Variants in SMTNL2 observed in about 807,000 individuals in gnomAD.
The protein encoded by SMTNL2 is smoothelin like 2, also known as smoothelin-like protein 2.
Under a neutral mutation model 44.1 loss-of-function variants are expected in SMTNL2, and 43 were observed. That is an observed-to-expected ratio of 0.98 (90% CI 0.76 to 1.26). SMTNL2 has a LOEUF of 1.26. SMTNL2 is among the 50% of genes most tolerant of loss of function. The pLI is 0.00. For missense variants in SMTNL2, 646 were observed against 670.2 expected (o/e 0.96, Z 0.40); for synonymous variants, 317 against 287.6 (o/e 1.10, Z -1.03).
rs1433224467 is a variant in SMTNL2 at position 4,607,820 on chromosome 17, T to C, written c.*333T>C. 1 of 211,882 alleles carries C rather than the reference T, an allele frequency of 4.7e-6. No individual in the cohort carries two copies. Among genetic ancestry groups the C allele is most frequent in the Non-Finnish European group, 9.4e-6 (1 of 106,702 alleles). 13.1% of individuals were successfully genotyped at this position (211,882 alleles called of 1,614,324 possible). A position where few individuals can be genotyped will look rare whatever the true frequency, so the allele number is the denominator to read the frequency against. On this transcript the variant is annotated 3_prime_UTR_variant, in exon 8 of 8. Coordinates refer to ENST00000389313, the MANE Select transcript of SMTNL2 (RefSeq NM_001114974.2). This position sits in a 1 kb window ranked among gnomAD's most constrained non-coding sequence, Gnocchi z 4.7. ...GAATGCTAATCTACAATTTTCCCTC[T>C]GGTGAATTCGATACATCGGCTTTAC...
chr17:4,591,733 C>T (rs1454859347), intron 1 of SMTNL2, among the ~76,000 whole-genome samples: 2 of 152,172 alleles, frequency 1.3e-5, no homozygotes, highest in African/African-American at 4.8e-5. Flanking sequence ...AGCCTGGATC[C>T]CAGGCTCCCC....
Position 4,584,853 on chromosome 17 carries a change from C to G in SMTNL2, c.248C>G (p.Ala83Gly). 16 of 1,323,936 alleles carry G rather than the reference C, an allele frequency of 1.2e-5. No homozygotes were observed. The highest frequency in any genetic ancestry group is 1.3e-5 in the Non-Finnish European group (14 of 1,038,230). The allele number at this position is 1,323,936 out of a possible 1,614,324, so 82.0% of individuals were successfully genotyped here. The change falls in exon 1 of 8, where the codon GCG (alanine) becomes GGG (glycine). Residue 83 changes from alanine (A) to glycine (G), a missense_variant. Ala to Gly is a moderately conservative substitution (Grantham distance 60). Coordinates refer to ENST00000389313, the MANE Select transcript of SMTNL2 (RefSeq NM_001114974.2). ...GAGCGCCTGACGCGCCAGGTGGAGGCGCTGGGCTTGGCCAGCGGGATGTCC... is the reference window on the plus strand; with the variant it reads ...GAGCGCCTGACGCGCCAGGTGGAGGGGCTGGGCTTGGCCAGCGGGATGTCC... Reference protein sequence around the residue: ...QLERLTRQVEALGLASGMSPV... With the variant: ...QLERLTRQVEGLGLASGMSPV...
In SMTNL2 at chr17:4,600,923, G is replaced by C. The variant is rs1047598257; in HGVS notation, c.1259+3600G>C. Reference sequence around the variant, plus strand: ...AACCAGATAGGAGGCAGTAGTCCCAGTCCTGGCATCCTGGTCTGCATTTAG... The same window carrying C: ...AACCAGATAGGAGGCAGTAGTCCCACTCCTGGCATCCTGGTCTGCATTTAG... On this transcript the variant is annotated intron_variant, in intron 7 of 7. Coordinates refer to ENST00000389313, the MANE Select transcript of SMTNL2 (RefSeq NM_001114974.2). The surrounding 1 kb of genome is among the most constrained non-coding windows in gnomAD (Gnocchi z 4.7). Among the ~76,000 whole-genome samples, 12 of 152,158 alleles carry C rather than the reference G, an allele frequency of 7.9e-5. No individual in the cohort carries two copies. Among genetic ancestry groups the C allele is most frequent in the Non-Finnish European group, 1.5e-4 (10 of 68,028 alleles).
At chr17:4,586,763 G>T (rs1188602071) in intron 1 of SMTNL2, among the ~76,000 whole-genome samples, 1 of 152,190 alleles carries the variant, frequency 6.6e-6, no homozygotes, top group African/African-American at 2.4e-5. Context: ...GCTGGGCCGT[G>T]GGCCTTGGTG....
rs987173721 is a variant in SMTNL2, at chr17:4,607,249, C to A, written c.1260-112C>A. 8.4e-6 allele frequency: 13 copies of A among 1,540,296 alleles called. No homozygotes were observed. The African/African-American group carries it at 1.8e-4, about 21-fold the overall frequency. ...TTCCCCGCTGGTGGGTCCTTGGGAA[C>A]CTCTGGCTGCCGGCTGAGCTCTGTT... On this transcript the variant is annotated intron_variant, in intron 7 of 7. Coordinates refer to ENST00000389313, the MANE Select transcript of SMTNL2 (RefSeq NM_001114974.2). This position sits in a 1 kb window ranked among gnomAD's most constrained non-coding sequence, Gnocchi z 4.7.
intron 7 of SMTNL2, among the ~76,000 whole-genome samples, chr17:4,604,335 C>T (rs1159954275): frequency 6.6e-6 from 1 of 152,198 alleles, no homozygotes; most frequent in African/African-American, 2.4e-5. Context: ...CCACCCGCTA[C>T]AACTCCAAGC....
In SMTNL2 at chr17:4,592,991, C is replaced by T. The variant is rs557287522; in HGVS notation, c.550C>T (p.Arg184Cys). 82 of 1,614,032 alleles carry T rather than the reference C, an allele frequency of 5.1e-5. 1 individual carries two copies. The South Asian group carries it at 8.5e-4, about 17-fold the overall frequency. The change falls in exon 3 of 8, where the codon CGT (arginine) becomes TGT (cysteine). Residue 184 changes from arginine (R) to cysteine (C), a missense_variant. Arg to Cys is a radical substitution (Grantham distance 180, BLOSUM62 -3). Coordinates refer to ENST00000389313, the MANE Select transcript of SMTNL2 (RefSeq NM_001114974.2). The surrounding 1 kb of genome is among the most constrained non-coding windows in gnomAD (Gnocchi z 4.5). ...CTCAGCACCAGATCCCCCCAGGCCT[C>T]GTCCTGTGAGCCTCTCCTTGCGGCT... ...NFSAPDPPRP[R>C]PVSLSLRLPH... is the part of the protein sequence containing the mutation.
rs1227547554 is a variant in SMTNL2, at chr17:4,598,562, A to G, written c.1259+1239A>G. Among the ~76,000 whole-genome samples the G allele has an allele frequency of 6.6e-6, 1 of 152,044 alleles. No homozygotes were observed. The highest frequency in any genetic ancestry group is 1.5e-5 in the Non-Finnish European group (1 of 67,992). On this transcript the variant is annotated intron_variant, in intron 7 of 7. Coordinates refer to ENST00000389313, the MANE Select transcript of SMTNL2 (RefSeq NM_001114974.2). The surrounding 1 kb of genome is among the most constrained non-coding windows in gnomAD (Gnocchi z 4.8). ...TCCTTGGCCGGGCACGGTGGCTCCC[A>G]CCTGTAATCCTAGCACTTTGGGAGG...
rs1035332137 is a variant in SMTNL2, at chr17:4,592,993, T to A, written c.552T>A (p.Arg184=). ...NFSAPDPPRP[R]PVSLSLRLPH... ...CAGCACCAGATCCCCCCAGGCCTCGTCCTGTGAGCCTCTCCTTGCGGCTGC... is the reference window on the plus strand; with the variant it reads ...CAGCACCAGATCCCCCCAGGCCTCGACCTGTGAGCCTCTCCTTGCGGCTGC... The change falls in exon 3 of 8, where the codon CGT becomes CGA. Residue 184 remains arginine, a synonymous_variant. Transcript: ENST00000389313. This position sits in a 1 kb window ranked among gnomAD's most constrained non-coding sequence, Gnocchi z 4.5. 6.2e-7 allele frequency: 1 copy of A among 1,613,856 alleles called. No individual in the cohort carries two copies. The highest frequency in any genetic ancestry group is 1.3e-5 in the African/African-American group (1 of 74,906).
intron 1 of SMTNL2, among the ~76,000 whole-genome samples, chr17:4,590,902 G>A (rs934221030): frequency 6.6e-5 from 10 of 152,146 alleles, no homozygotes; most frequent in African/African-American, 2.4e-4. Flanking sequence ...TTGGGCGGCA[G>A]GGCAGGCAGC....
Position 4,584,776 on chromosome 17 carries a change from GC to G in SMTNL2, c.172del (p.Arg58AlafsTer20), listed in dbSNP as rs747898835. The part of the protein sequence containing the change: ...EAMRLAGPLA[R>X]TVADLQRDNQ... The stretch of plus-strand genomic sequence containing the variant: ...CGATGCGCCTGGCCGGCCCCCTGGC[GC>G]GCACGGTGGCCGACCTGCAGCGGGA... On this transcript the variant is annotated frameshift_variant, in exon 1 of 8. Transcript: ENST00000389313. LOFTEE classifies it high-confidence loss of function. 7.7e-6 allele frequency: 10 copies of G among 1,307,048 alleles called. No individual in the cohort carries two copies. The highest frequency in any genetic ancestry group is 9.7e-6 in the Non-Finnish European group (10 of 1,031,294). 81.0% of individuals were successfully genotyped at this position (1,307,048 alleles called of 1,614,324 possible).
Position 4,592,288 on chromosome 17 carries a change from G to C in SMTNL2, c.400-73G>C, listed in dbSNP as rs1366048437. 2 of 1,434,876 alleles carry C rather than the reference G, an allele frequency of 1.4e-6. No homozygotes were observed. Among genetic ancestry groups the C allele is most frequent in the African/African-American group, 1.4e-5 (1 of 71,162 alleles). The allele number at this position is 1,434,876 out of a possible 1,614,324, so 88.9% of individuals were successfully genotyped here. A position where few individuals can be genotyped will look rare whatever the true frequency, so the allele number is the denominator to read the frequency against. ...TTTTGCCAGAACGGGAGGGGATTTG[G>C]GGGTGGGCAGCTTTTGGGGGTGGGC... On this transcript the variant is annotated intron_variant, in intron 1 of 7. Transcript: ENST00000389313. The surrounding 1 kb of genome is among the most constrained non-coding windows in gnomAD (Gnocchi z 4.5).
intron 4 of SMTNL2, 196 bp from the exon 5 acceptor site, chr17:4,594,949 T>C (rs990611250): frequency 2.9e-6 from 2 of 692,574 alleles, no homozygotes; most frequent in Admixed American, 2.7e-5. Context: ...TTGAGCCTAT[T>C]GGCCAGTCCC....
intron 1 of SMTNL2, 28 bp downstream of exon 1, chr17:4,585,032 C>A: frequency 7.7e-7 from 1 of 1,304,780 alleles, no homozygotes; most frequent in East Asian, 3.2e-5. Flanking sequence ...CGTGCGCTGG[C>A]GCCAGGGAGT....
upstream of SMTNL2, chr17:4,584,462 C>A: frequency 1.1e-6 from 1 of 939,118 alleles, no homozygotes; most frequent in Non-Finnish European, 1.4e-6. Flanking sequence ...CCCGGCTCCG[C>A]CCCCGAGGCC....
Position 4,600,328 on chromosome 17 carries a change from T to C in SMTNL2, c.1259+3005T>C, listed in dbSNP as rs113016452. ...CAAAGGCTGAGCAGATCCAGGGTCG[T>C]GCAGGCAGCAGGACCACAGAGCTAA... On this transcript the variant is annotated intron_variant, in intron 7 of 7. Transcript: ENST00000389313. This position sits in a 1 kb window ranked among gnomAD's most constrained non-coding sequence, Gnocchi z 4.7. 2.9e-4 allele frequency among the ~76,000 whole-genome samples: 44 copies of C among 152,132 alleles called. No individual in the cohort carries two copies. The highest frequency in any genetic ancestry group is 1.1e-3 in the African/African-American group (44 of 41,478).
Position 4,595,705 on chromosome 17 carries a change from TG to T in SMTNL2, c.989+381del, listed in dbSNP as rs1909779336. On this transcript the variant is annotated intron_variant, in intron 5 of 7. Transcript: ENST00000389313. This position sits in a 1 kb window ranked among gnomAD's most constrained non-coding sequence, Gnocchi z 5.1. The stretch of plus-strand genomic sequence containing the variant: ...GCATGACCGGGGACTGGATGGGGAC[TG>T]GGATTCCTGGCCAGAGCTGGGAGCC... Among the ~76,000 whole-genome samples, 1 of 152,224 alleles carries T rather than the reference TG, an allele frequency of 6.6e-6. No individual in the cohort carries two copies. Among genetic ancestry groups the T allele is most frequent in the African/African-American group, 2.4e-5 (1 of 41,468 alleles).
rs1329169504 is a variant in SMTNL2 at position 4,592,417 on chromosome 17, C to T, written c.456C>T (p.Cys152=). The T allele has an allele frequency of 6.2e-7, 1 of 1,613,388 alleles. No individual in the cohort carries two copies. Among genetic ancestry groups the T allele is most frequent in the African/African-American group, 1.3e-5 (1 of 74,956 alleles). Residue 152 remains cysteine, a synonymous_variant, in exon 2 of 8, where the codon TGC becomes TGT. Coordinates refer to ENST00000389313, the MANE Select transcript of SMTNL2 (RefSeq NM_001114974.2). The surrounding 1 kb of genome is among the most constrained non-coding windows in gnomAD (Gnocchi z 4.5). ...AGATGAGAAAGACCTCAAACTCCTG[C>T]ATCATGGAAAATGGGCACCAGCCGG... ...ESEMRKTSNS[C]IMENGHQPGA...
At chr17:4,591,911 G>T (rs1202196303) in intron 1 of SMTNL2, among the ~76,000 whole-genome samples, 2 of 152,226 alleles carry the variant, frequency 1.3e-5, no homozygotes, top group Non-Finnish European at 2.9e-5. Flanking sequence ...CGTGATCAGG[G>T]CTCCGTAGCT....
Sources: allele counts gnomAD v4.1 joint callset (sites outside exome capture counted in the v4.1 genomes callset), GRCh38; gene constraint gnomAD v4.1.1; non-coding constraint Gnocchi (gnomAD v3.1); transcripts MANE v1.5; gene names NCBI Gene and HGNC (gene_info 2026-07-23, HGNC 2026-07-21).